The following OCA2 variants were observed in gnomAD, a reference collection of about 807,000 sequenced individuals.
The protein encoded by OCA2 is P protein.
Under a neutral mutation model 100.2 loss-of-function variants are expected in OCA2, and 77 were observed. The ratio of observed to expected loss-of-function variants is 0.77; its 90% CI spans 0.64 to 0.93. OCA2 has a LOEUF of 0.93. OCA2 is among the 40% of genes least tolerant of loss of function. OCA2 has a pLI of 0.00. For missense variants in OCA2, 1,062 were observed against 1,089.1 expected, an observed-to-expected ratio of 0.98 and a Z score of 0.35; for synonymous variants, 432 against 439.2, an observed-to-expected ratio of 0.98 and a Z score of 0.21.
intron 23 of OCA2, among the ~76,000 whole-genome samples, chr15:27,805,526 GGGAGCGCAT>G (rs2033799919): frequency 6.6e-6 from 1 of 152,218 alleles, no homozygotes; most frequent in African/African-American, 2.4e-5. Flanking sequence ...ACGAGGCCCT[GGGAGCGCAT>G]GGAGCCGCTC....
At chr15:27,806,563 C>T (rs2033858196) in intron 23 of OCA2, among the ~76,000 whole-genome samples, 1 of 152,128 alleles carries the variant, frequency 6.6e-6, no homozygotes, top group Non-Finnish European at 1.5e-5. Flanking sequence ...GAGGGCCCTT[C>T]CCTAGCGGCC....
At position 27,832,163 on chromosome 15, in the gene OCA2, G is replaced by A. The variant is rs180832922; in HGVS notation, c.2432+12796C>T. 6.6e-4 allele frequency among the ~76,000 whole-genome samples: 101 copies of A among 152,214 alleles called. 2 individuals are homozygous for A. Among genetic ancestry groups the A allele is most frequent in the African/African-American group, 2.3e-3 (96 of 41,534 alleles). On this transcript the variant is annotated intron_variant, in intron 23 of 23. Coordinates refer to ENST00000354638, the MANE Select transcript of OCA2 (RefSeq NM_000275.3). ...TCTAAACTGCGCCTGCACCTGATGT[G>A]CCTTTGAGTTTTCATCCCCTCATGG... is the stretch of plus-strand genomic sequence containing the variant.
chr15:28,078,094 C>T (rs1004434783), intron 2 of OCA2, among the ~76,000 whole-genome samples: 7 of 152,210 alleles, frequency 4.6e-5, no homozygotes, highest in African/African-American at 1.4e-4. Context: ...AAATGCAAAA[C>T]TGGACAATGC....
In OCA2 at chr15:28,027,955, A is replaced by G; in HGVS notation, c.431T>C (p.Val144Ala). 6.2e-7 allele frequency: 1 copy of G among 1,613,396 alleles called. No individual in the cohort carries two copies. The highest frequency in any genetic ancestry group is 8.5e-7 in the Non-Finnish European group (1 of 1,179,860). Reference protein sequence around the residue: ...WERRYLLSREVSGLSASASSE... With the variant: ...WERRYLLSREASGLSASASSE... Reference sequence around the variant, plus strand: ...GGAGGCAGATGCAGACAGACCAGACACCTCCCTGCTTAGCAGGTATCTTCG... The same window carrying G: ...GGAGGCAGATGCAGACAGACCAGACGCCTCCCTGCTTAGCAGGTATCTTCG... The change falls in exon 4 of 24, where the codon GTG becomes GCG. Residue 144 changes from valine to alanine, a missense_variant. Val to Ala is a moderately conservative substitution (Grantham distance 64). Transcript: ENST00000354638.
At chr15:27,793,486 G>T (rs918771464) in intron 23 of OCA2, among the ~76,000 whole-genome samples, 2 of 151,674 alleles carry the variant, frequency 1.3e-5, no homozygotes, top group Non-Finnish European at 2.9e-5. Flanking sequence ...GTTTTAAAAA[G>T]AAAAATGGTG....
At chr15:27,903,452 AC>A (rs1279745482) in intron 19 of OCA2, among the ~76,000 whole-genome samples, 2 of 152,148 alleles carry the variant, frequency 1.3e-5, no homozygotes, top group Admixed American at 6.5e-5. Context: ...TCCAACTCCC[AC>A]CTACTCTCTA....
chr15:27,875,025 T>C (rs1386783300), intron 19 of OCA2, among the ~76,000 whole-genome samples: 1 of 152,184 alleles, frequency 6.6e-6, no homozygotes, highest in African/African-American at 2.4e-5. Context: ...TATCCATCTT[T>C]GTAAGTTAAG....
chr15:27,847,240 G>A (rs1365949145), intron 22 of OCA2, among the ~76,000 whole-genome samples: 1 of 152,198 alleles, frequency 6.6e-6, no homozygotes, highest in East Asian at 1.9e-4. Context: ...ACTTAGACAC[G>A]TGTGCGACCA....
chr15:28,082,132 C>G (rs1361992002), intron 1 of OCA2, among the ~76,000 whole-genome samples: 1 of 152,202 alleles, frequency 6.6e-6, no homozygotes, highest in African/African-American at 2.4e-5. Flanking sequence ...ATGCACCAAT[C>G]AGCACTCTGT....
Position 27,983,497 on chromosome 15 carries a change from A to G in OCA2, c.1365-14T>C. ...ACCTCACACAACCTGTCACAAATGG[A>G]GGAAAATGAAAGTAGTCCCACTATA... On this transcript the variant is annotated splice_polypyrimidine_tract_variant and intron_variant, in intron 13 of 23. Coordinates refer to ENST00000354638, the MANE Select transcript of OCA2 (RefSeq NM_000275.3). 2 of 1,614,072 alleles carry G rather than the reference A, an allele frequency of 1.2e-6. No homozygotes were observed. Among genetic ancestry groups the G allele is most frequent in the Non-Finnish European group, 1.7e-6 (2 of 1,179,918 alleles).
chr15:28,067,571 C>T (rs2044064474), intron 2 of OCA2, among the ~76,000 whole-genome samples: 1 of 151,966 alleles, frequency 6.6e-6, no homozygotes, highest in South Asian at 2.1e-4. Context: ...TTTTTTATTT[C>T]TACCTTAATT....
intron 14 of OCA2, among the ~76,000 whole-genome samples, chr15:27,979,644 G>A (rs1051388169): frequency 3.3e-5 from 5 of 151,116 alleles, no homozygotes; most frequent in Admixed American, 1.3e-4. Flanking sequence ...TAACTTTCAC[G>A]GACTACCTTC....
chr15:27,822,347 A>G (rs189775232), intron 23 of OCA2, among the ~76,000 whole-genome samples: 2 of 152,216 alleles, frequency 1.3e-5, no homozygotes, highest in Admixed American at 6.5e-5. Context: ...AGAATCTTCC[A>G]TGCTGCTATA....
intron 19 of OCA2, among the ~76,000 whole-genome samples, chr15:27,907,030 A>G (rs1212259484): frequency 6.6e-6 from 1 of 152,218 alleles, no homozygotes; most frequent in African/African-American, 2.4e-5. Context: ...AGATGGCACC[A>G]TGCCATTCAG....
intron 23 of OCA2, among the ~76,000 whole-genome samples, chr15:27,797,008 G>A (rs17674023): frequency 0.14 from 21,183 of 152,042 alleles, 2,383 homozygotes; most frequent in East Asian, 0.59. Flanking sequence ...TCACACGCAG[G>A]TACAGTCACT....
At chr15:27,733,742 A>C in the OCA2 span, among the ~76,000 whole-genome samples, 2 of 152,162 alleles carry the variant, frequency 1.3e-5, no homozygotes, top group Non-Finnish European at 2.9e-5. Context: ...ATTAATAATG[A>C]AAAACAGCCA....
intron 2 of OCA2, among the ~76,000 whole-genome samples, chr15:28,048,991 C>G (rs1423094594): frequency 6.6e-6 from 1 of 152,088 alleles, no homozygotes; most frequent in Non-Finnish European, 1.5e-5. Context: ...TACAGAGCAA[C>G]ACCCTGTCTC....
chr15:28,086,866 T>C (rs572229102), intron 1 of OCA2, among the ~76,000 whole-genome samples: 16 of 152,088 alleles, frequency 1.1e-4, no homozygotes, highest in African/African-American at 2.2e-4. Flanking sequence ...GATAGAACAA[T>C]AGAAATTACT....
chr15:27,970,343 G>C (rs1041397132), intron 14 of OCA2, among the ~76,000 whole-genome samples: 1 of 152,140 alleles, frequency 6.6e-6, no homozygotes, highest in Non-Finnish European at 1.5e-5. Context: ...GAGAGGCAGA[G>C]CAGGGCCCAC....
Sources: gnomAD v4.1 joint callset for allele counts (sites outside exome capture counted in the v4.1 genomes callset) on GRCh38, gnomAD v4.1.1 for gene constraint, MANE v1.5 for transcripts, NCBI Gene and HGNC (gene_info 2026-07-23, HGNC 2026-07-21) for gene names.